The following SRGAP1 variants were observed in gnomAD, a reference collection of about 807,000 sequenced individuals.
The protein encoded by SRGAP1 is SLIT-ROBO Rho GTPase-activating protein 1.
Under a neutral mutation model 121.9 loss-of-function variants are expected in SRGAP1, and 43 were observed. The ratio of observed to expected loss-of-function variants is 0.35; its 90% confidence interval spans 0.28 to 0.46. The LOEUF is 0.46. Ranked by LOEUF, SRGAP1 falls within the 20% of genes least tolerant of loss-of-function variation. SRGAP1 has a pLI of 1.00. For missense variants in SRGAP1, 1,102 were observed against 1,350.9 expected (o/e 0.82, Z 2.89); for synonymous variants, 447 against 485.4 (o/e 0.92, Z 1.04).
intron 8 of SRGAP1, among the ~76,000 whole-genome samples, chr12:64,067,065 G>A (rs1335655010): frequency 6.6e-6 from 1 of 151,990 alleles, no homozygotes; most frequent in Non-Finnish European, 1.5e-5. Context: ...CTCTGGCCCT[G>A]CACTGCCTCA....
intron 1 of SRGAP1, among the ~76,000 whole-genome samples, chr12:63,914,947 A>G (rs2030710964): frequency 6.6e-6 from 1 of 152,180 alleles, no homozygotes; most frequent in South Asian, 2.1e-4. Context: ...GTTTTTGAAT[A>G]TTGTATTTTA....
chr12:63,900,204 C>CTTTTTTT (rs67622101), intron 1 of SRGAP1, among the ~76,000 whole-genome samples: 2 of 87,578 alleles, frequency 2.3e-5, no homozygotes, highest in South Asian at 8.7e-4. Flanking sequence ...TTTTCTTTTT[C>CTTTTTTT]TTTTTTTTTT....
chr12:63,870,836 A>T (rs531428905), intron 1 of SRGAP1, among the ~76,000 whole-genome samples: 7 of 152,086 alleles, frequency 4.6e-5, no homozygotes, highest in African/African-American at 1.7e-4. Context: ...ATGTGTCCCA[A>T]AGTGCTGGGA....
rs540737982 is a variant in SRGAP1, at chr12:63,989,231, G to C, written c.264-679G>C. Among the ~76,000 whole-genome samples the C allele has an allele frequency of 3.9e-5, 6 of 152,210 alleles. No homozygotes were observed. The East Asian group carries it at 7.7e-4, about 20-fold the overall frequency. ...CTTTTGCTGTTTATATTAACTTTTA[G>C]CTTTATTTTATAGAATAAAACAAGG... On this transcript the variant is annotated intron_variant, in intron 2 of 21. Coordinates refer to ENST00000355086, the MANE Select transcript of SRGAP1 (RefSeq NM_020762.4).
chr12:63,988,824 T>G (rs2033481898), intron 2 of SRGAP1, among the ~76,000 whole-genome samples: 1 of 152,214 alleles, frequency 6.6e-6, no homozygotes, highest in Non-Finnish European at 1.5e-5. Flanking sequence ...CTTTTCTTTG[T>G]TTTTGAGACA....
intron 4 of SRGAP1, among the ~76,000 whole-genome samples, chr12:64,032,143 TGAAAAGGAA>T: frequency 6.6e-6 from 1 of 151,942 alleles, no homozygotes; most frequent in Admixed American, 6.5e-5. Flanking sequence ...TTTTATTTGG[TGAAAAGGAA>T]GAAAAGGGGG....
At chr12:63,991,271 C>G (rs1169700497) in intron 3 of SRGAP1, among the ~76,000 whole-genome samples, 1 of 152,144 alleles carries the variant, frequency 6.6e-6, no homozygotes, top group African/African-American at 2.4e-5. Flanking sequence ...AGAAAAACCT[C>G]TCTGTAGATT....
intron 1 of SRGAP1, among the ~76,000 whole-genome samples, chr12:63,970,330 T>C (rs959438499): frequency 6.6e-6 from 1 of 152,210 alleles, no homozygotes. Context: ...CATCTGATCA[T>C]GTTTAGAAAT....
intron 1 of SRGAP1, among the ~76,000 whole-genome samples, chr12:63,919,659 C>T (rs145676440): frequency 1.3e-5 from 2 of 152,162 alleles, no homozygotes; most frequent in East Asian, 3.9e-4. Flanking sequence ...ATCCCATATA[C>T]CTGCCTATCT....
chr12:63,949,544 C>T (rs1371087767), intron 1 of SRGAP1, among the ~76,000 whole-genome samples: 2 of 151,570 alleles, frequency 1.3e-5, no homozygotes, highest in Non-Finnish European at 2.9e-5. Flanking sequence ...TCTCCTGCCT[C>T]AGCCTCCCGA....
chr12:63,936,271 T>C (rs529953300), intron 1 of SRGAP1, among the ~76,000 whole-genome samples: 5 of 152,248 alleles, frequency 3.3e-5, no homozygotes, highest in African/African-American at 1.2e-4. Flanking sequence ...GATAATACCA[T>C]AATAATGATG....
intron 6 of SRGAP1, among the ~76,000 whole-genome samples, chr12:64,061,064 A>G (rs2035441984): frequency 6.6e-6 from 1 of 152,206 alleles, no homozygotes; most frequent in African/African-American, 2.4e-5. Context: ...TTTTATGTAC[A>G]AATTGAAAAT....
At chr12:63,986,796 A>T (rs183450151) in intron 2 of SRGAP1, among the ~76,000 whole-genome samples, 1 of 152,258 alleles carries the variant, frequency 6.6e-6, no homozygotes, top group African/African-American at 2.4e-5. Flanking sequence ...GAAAATATGG[A>T]TGGGTCCATG....
intron 1 of SRGAP1, among the ~76,000 whole-genome samples, chr12:63,886,118 C>T (rs61937061): frequency 0.13 from 20,411 of 151,972 alleles, 1,450 homozygotes; most frequent in Middle Eastern, 0.21. Context: ...TGGAGTGCAG[C>T]GGCGCAATCT....
At chr12:63,912,407 A>G (rs1381751990) in intron 1 of SRGAP1, among the ~76,000 whole-genome samples, 1 of 152,190 alleles carries the variant, frequency 6.6e-6, no homozygotes, top group African/African-American at 2.4e-5. Flanking sequence ...TAGGAGTTCC[A>G]GATAAGCCTG....
intron 18 of SRGAP1, 27 bp from the exon 19 acceptor site, chr12:64,125,950 C>T (rs763401326): frequency 3.3e-5 from 53 of 1,605,898 alleles, no homozygotes; most frequent in South Asian, 4.4e-5. Context: ...CCCTGTTTCT[C>T]GCTGTTTTCT....
chr12:64,012,521 T>TCACTG lies in SRGAP1; in HGVS notation c.427-4427_427-4423dup, dbSNP rs1461951672. Among the ~76,000 whole-genome samples, 9 of 150,008 alleles carry TCACTG rather than the reference T, an allele frequency of 6.0e-5. No homozygotes were observed. The East Asian group carries it at 1.6e-3, about 26-fold the overall frequency. On this transcript the variant is annotated intron_variant, in intron 3 of 21. Coordinates refer to ENST00000355086, the MANE Select transcript of SRGAP1 (RefSeq NM_020762.4). ...TTGTTCAAGGGCCAAGGGTCTGCTC[T>TCACTG]CACTGCTTTCAAATATTTTAAGTTA...
chr12:64,048,197 TTTAA>T (rs1278117912), intron 6 of SRGAP1, among the ~76,000 whole-genome samples: 6 of 152,104 alleles, frequency 3.9e-5, no homozygotes, highest in Non-Finnish European at 5.9e-5. Flanking sequence ...TCTCCATAAG[TTTAA>T]TTGTTTTGAT....
intron 1 of SRGAP1, among the ~76,000 whole-genome samples, chr12:63,930,194 A>G (rs2136336553): frequency 6.6e-6 from 1 of 152,162 alleles, no homozygotes; most frequent in East Asian, 1.9e-4. Flanking sequence ...GTAACACTCA[A>G]AAGGGAGCTC....
Sources: gnomAD v4.1 joint callset for allele counts (sites outside exome capture counted in the v4.1 genomes callset) on GRCh38, gnomAD v4.1.1 for gene constraint, MANE v1.5 for transcripts, NCBI Gene and HGNC (gene_info 2026-07-23, HGNC 2026-07-21) for gene names.